Variants in TNRC6C observed in about 807,000 individuals in gnomAD.
The protein encoded by TNRC6C is trinucleotide repeat containing adaptor 6C.
TNRC6C carries 20 observed loss-of-function variants against 153.7 expected under a neutral mutation model. The observed-to-expected ratio is 0.13, with a 90% confidence interval of 0.09 to 0.19. The LOEUF is 0.19. Among genes scored for constraint, TNRC6C ranks in the 10% least tolerant of loss-of-function variants. TNRC6C has a pLI of 1.00. For synonymous variants in TNRC6C, 811 were observed against 841.4 expected (o/e 0.96, Z 0.63); for missense variants, 1,987 against 2,172.0 (o/e 0.91, Z 1.69).
chr17:78,006,450 A>G (rs2071497526), intron 1 of TNRC6C, among the ~76,000 whole-genome samples: 2 of 152,018 alleles, frequency 1.3e-5, no homozygotes, highest in African/African-American at 4.8e-5. Flanking sequence ...CAAAATACAG[A>G]GTTAACTGTT....
At chr17:77,972,939 A>G (rs961750189) in intron 1 of TNRC6C, among the ~76,000 whole-genome samples, 4 of 152,012 alleles carry the variant, frequency 2.6e-5, no homozygotes, top group African/African-American at 9.7e-5. Context: ...GAGTCTCGCA[A>G]CTCTCTCTCA....
intron 1 of TNRC6C, among the ~76,000 whole-genome samples, chr17:77,992,919 A>C (rs917309478): frequency 4.6e-5 from 7 of 152,082 alleles, no homozygotes; most frequent in Non-Finnish European, 5.9e-5. Flanking sequence ...CCATTAGTAG[A>C]TGTGGTTCCA....
chr17:78,090,809 T>C (rs988478984), intron 13 of TNRC6C, among the ~76,000 whole-genome samples: 4 of 152,240 alleles, frequency 2.6e-5, no homozygotes, highest in African/African-American at 9.6e-5. Context: ...AGTTTGATAC[T>C]TAATTCACAG....
At chr17:78,034,521 C>G (rs771194607) in intron 2 of TNRC6C, among the ~76,000 whole-genome samples, 8 of 152,126 alleles carry the variant, frequency 5.3e-5, no homozygotes, top group Non-Finnish European at 1.0e-4. Flanking sequence ...GAGGCTTCCC[C>G]AAGCAGCTCT....
chr17:78,102,024 C>T (rs773609610), intron 17 of TNRC6C, among the ~76,000 whole-genome samples: 1 of 152,186 alleles, frequency 6.6e-6, no homozygotes, highest in Non-Finnish European at 1.5e-5. Flanking sequence ...ACAGCCAAAC[C>T]GTATCAGATA....
At chr17:78,098,157 C>T (rs1172074221) in intron 16 of TNRC6C, among the ~76,000 whole-genome samples, 186 bp from the exon 20 acceptor site, 4 of 152,224 alleles carry the variant, frequency 2.6e-5, no homozygotes, top group Non-Finnish European at 5.9e-5. Context: ...GTTTTGAAAA[C>T]TTAGAGGCAA....
chr17:78,052,921 T>G (rs563801438), intron 3 of TNRC6C, among the ~76,000 whole-genome samples: 2 of 152,342 alleles, frequency 1.3e-5, no homozygotes, highest in Admixed American at 1.3e-4. Flanking sequence ...TTGGCCCACA[T>G]TTTTTCTGTG....
chr17:78,067,480 GT>G (rs1466833175), intron 4 of TNRC6C, among the ~76,000 whole-genome samples: 1 of 152,186 alleles, frequency 6.6e-6, no homozygotes, highest in Admixed American at 6.5e-5. Context: ...TTCTTAGCAT[GT>G]TTATGTTTCA....
intron 1 of TNRC6C, among the ~76,000 whole-genome samples, chr17:77,961,382 C>G (rs904790478): frequency 6.6e-6 from 1 of 152,188 alleles, no homozygotes. Flanking sequence ...TCTCGAACTC[C>G]TGACTTCAGG....
chr17:77,973,243 G>C (rs1373662594), intron 1 of TNRC6C, among the ~76,000 whole-genome samples: 1 of 151,926 alleles, frequency 6.6e-6, no homozygotes, highest in African/African-American at 2.4e-5. Context: ...AAAACCACAT[G>C]ATCATCTCAA....
At chr17:78,050,721 G>A in exon 3 of TNRC6C, 1 of 1,583,766 alleles carries the variant, frequency 6.3e-7, no homozygotes, top group Non-Finnish European at 8.6e-7. Flanking sequence ...CTGCTGCCAA[G>A]AGTGGCCATG....
At chr17:78,097,678 C>A (rs2073511756) in intron 16 of TNRC6C, 67 bp from the exon 19 acceptor site, 2 of 1,147,790 alleles carry the variant, frequency 1.7e-6, no homozygotes, top group Admixed American at 5.5e-5. Context: ...GTTCTCACAC[C>A]CCACAGTTAG....
chr17:78,051,475 A>T, intron 3 of TNRC6C, 27 bp downstream of exon 5: 1 of 1,277,208 alleles, frequency 7.8e-7, no homozygotes, highest in Middle Eastern at 2.3e-4. Context: ...ATGTTTCTTT[A>T]CAAGTAAAAA....
At chr17:78,028,777 A>G (rs180824052) in intron 1 of TNRC6C, among the ~76,000 whole-genome samples, 2 of 152,364 alleles carry the variant, frequency 1.3e-5, no homozygotes, top group East Asian at 3.9e-4. Flanking sequence ...CTCATTTTGT[A>G]CATAGCTGTT....
intron 16 of TNRC6C, 63 bp from the exon 20 acceptor site, chr17:78,098,280 C>A: frequency 6.8e-7 from 1 of 1,467,536 alleles, no homozygotes; most frequent in South Asian, 1.4e-5. Flanking sequence ...GCTCCCCAAA[C>A]ACAGCAGTGA....
At chr17:77,992,688 G>A (rs937384235) in intron 1 of TNRC6C, among the ~76,000 whole-genome samples, 1 of 152,098 alleles carries the variant, frequency 6.6e-6, no homozygotes, top group South Asian at 2.1e-4. Context: ...ACATGCTAGC[G>A]CAAAAAAGAA....
chr17:78,014,893 C>T (rs74548385), intron 1 of TNRC6C, among the ~76,000 whole-genome samples: 2 of 151,842 alleles, frequency 1.3e-5, no homozygotes, highest in Non-Finnish European at 2.9e-5. Flanking sequence ...CAGATGGACC[C>T]TCCGTACTCA....
chr17:78,075,386 C>A lies in TNRC6C; in HGVS notation c.3060+108C>A. 1 of 1,297,318 alleles carries A rather than the reference C, an allele frequency of 7.7e-7. No individual in the cohort carries two copies. Among genetic ancestry groups the A allele is most frequent in the Non-Finnish European group, 1.0e-6 (1 of 963,138 alleles). 80.4% of individuals were successfully genotyped at this position (1,297,318 alleles called of 1,614,324 possible). On this transcript the variant is annotated intron_variant, in intron 8 of 19. Coordinates refer to ENST00000301624, the Ensembl canonical transcript of TNRC6C. This position sits in a 1 kb window ranked among gnomAD's most constrained non-coding sequence, Gnocchi z 4.2. ...ATTAAAAACTTGCTGGACTATAATACTTAAGTGACTTTTATCCATTTTTTT... is the reference window on the plus strand; with the variant it reads ...ATTAAAAACTTGCTGGACTATAATAATTAAGTGACTTTTATCCATTTTTTT...
chr17:78,029,701 C>T (rs533616869), intron 1 of TNRC6C, among the ~76,000 whole-genome samples: 54 of 152,252 alleles, frequency 3.5e-4, no homozygotes, highest in Non-Finnish European at 6.5e-4. Context: ...TTAAAAGACA[C>T]ATTGCACAGC....
Sources: allele counts gnomAD v4.1 joint callset (sites outside exome capture counted in the v4.1 genomes callset), GRCh38; gene constraint gnomAD v4.1.1; non-coding constraint Gnocchi (gnomAD v3.1); transcripts MANE v1.5; gene names NCBI Gene and HGNC (gene_info 2026-07-23, HGNC 2026-07-21).